The following TMEM131 variants were observed in gnomAD, a reference collection of about 807,000 sequenced individuals.
The protein encoded by TMEM131 is transmembrane protein 131.
A neutral mutation model predicts 211.6 loss-of-function variants in TMEM131; 66 were observed. The observed-to-expected ratio is 0.31, with a 90% CI of 0.26 to 0.38. The LOEUF is 0.38. Ranked by LOEUF, TMEM131 falls within the 10% of genes least tolerant of loss-of-function variation. The probability of loss-of-function intolerance (pLI) is 1.00; values close to 1 mark genes in which losing one functional copy is unlikely to be tolerated. For synonymous variants in TMEM131, 844 were observed against 841.3 expected, an observed-to-expected ratio of 1.00 and a Z score of -0.06; for missense variants, 2,036 against 2,299.3, an observed-to-expected ratio of 0.89 and a Z score of 2.34.
In TMEM131 at chr2:97,812,844, T is replaced by TC. The variant is rs1573398430; in HGVS notation, c.1618-96dup. ...AACTATATTAAAGATGTATTAAAGT[T>TC]CCCCCCAAAATTAGCTGGGCATGGT... is the stretch of plus-strand genomic sequence containing the variant. On this transcript the variant is annotated intron_variant, in intron 15 of 40. Coordinates refer to ENST00000186436, the MANE Select transcript of TMEM131 (RefSeq NM_015348.2). 8.9e-6 allele frequency: 6 copies of TC among 673,758 alleles called. No individual in the cohort carries two copies. In the East Asian group the frequency reaches 1.5e-4, roughly 17 times the overall value. The allele number at this position is 673,758 out of a possible 1,614,324, so 41.7% of individuals were successfully genotyped here.
At chr2:97,816,328 G>A (rs75132674) in intron 12 of TMEM131, among the ~76,000 whole-genome samples, 2 of 152,054 alleles carry the variant, frequency 1.3e-5, no homozygotes, top group African/African-American at 4.8e-5. Flanking sequence ...GCAACAAAGC[G>A]AGACTCTGAC....
At chr2:97,808,011 G>A (rs561488182) in intron 19 of TMEM131, among the ~76,000 whole-genome samples, 2 of 152,218 alleles carry the variant, frequency 1.3e-5, no homozygotes, top group South Asian at 2.1e-4. Flanking sequence ...CTTGGGGCCA[G>A]AAGTGTTTTA....
chr2:97,809,740 A>G lies in TMEM131; in HGVS notation c.2003T>C (p.Val668Ala). 2 of 1,609,252 alleles carry G rather than the reference A, an allele frequency of 1.2e-6. No individual in the cohort carries two copies. Among genetic ancestry groups the G allele is most frequent in the Non-Finnish European group, 1.7e-6 (2 of 1,177,780 alleles). The change falls in exon 19 of 41, where the codon GTA (valine) becomes GCA (alanine). Residue 668 changes from valine to alanine, a missense_variant. Transcript: ENST00000186436. ...LTIPVKAVIA[V>A]GSLTCFPKHV... is the part of the protein sequence containing the mutation. ...CTTAGGGAAGCAGGTCAGTGAGCCTACTGCAATCACAGCCTTCACAGGGAT... is the reference window on the plus strand; with the variant it reads ...CTTAGGGAAGCAGGTCAGTGAGCCTGCTGCAATCACAGCCTTCACAGGGAT...
chr2:97,972,481 A>AGGGAAGGC (rs1161588942), intron 1 of TMEM131, among the ~76,000 whole-genome samples: 9 of 12,890 alleles, frequency 7.0e-4, no homozygotes, highest in African/African-American at 2.1e-3. Context: ...GGCGGGAGGG[A>AGGGAAGGC]GGGAAGGCGG....
At chr2:97,920,517 AGAT>A (rs1676695607) in intron 2 of TMEM131, among the ~76,000 whole-genome samples, 1 of 152,234 alleles carries the variant, frequency 6.6e-6, no homozygotes. Context: ...CATCAAGCTC[AGAT>A]GATAGTTTAT....
At position 97,801,026 on chromosome 2, in the gene TMEM131, T is replaced by C. The variant is rs1476894220; in HGVS notation, c.2718+869A>G. Reference sequence around the variant, plus strand: ...GCCTTAAAGACAGAGTTATAAAAACTATTCTAATAAGGATTGGGCTAATAT... The same window carrying C: ...GCCTTAAAGACAGAGTTATAAAAACCATTCTAATAAGGATTGGGCTAATAT... On this transcript the variant is annotated intron_variant, in intron 25 of 40. Coordinates refer to ENST00000186436, the MANE Select transcript of TMEM131 (RefSeq NM_015348.2). Among the ~76,000 whole-genome samples, 3 of 152,236 alleles carry C rather than the reference T, an allele frequency of 2.0e-5. 1 individual carries two copies. The highest frequency in any genetic ancestry group is 4.8e-5 in the African/African-American group (2 of 41,462).
intron 4 of TMEM131, among the ~76,000 whole-genome samples, chr2:97,866,267 T>C (rs1248279606): frequency 1.3e-5 from 2 of 152,240 alleles, no homozygotes; most frequent in Admixed American, 6.5e-5. Flanking sequence ...GTGAGTCAGT[T>C]TGTGTATTTT....
intron 1 of TMEM131, among the ~76,000 whole-genome samples, chr2:97,967,892 TG>T (rs1248028513): frequency 1.3e-5 from 2 of 151,480 alleles, no homozygotes; most frequent in East Asian, 1.9e-4. Context: ...TTTTTTAGGT[TG>T]TTTTTTTTTT....
rs140207335 is a variant in TMEM131 at position 97,960,829 on chromosome 2, T to C, written c.188-33342A>G. On this transcript the variant is annotated intron_variant, in intron 1 of 40. Coordinates refer to ENST00000186436, the MANE Select transcript of TMEM131 (RefSeq NM_015348.2). ...GCAATATGTAAAAATGAGTAATATA[T>C]AACATCCAAACAGAGTTAATACCAG... Among the ~76,000 whole-genome samples the C allele has an allele frequency of 6.3e-3, 965 of 152,252 alleles. 6 individuals carry two copies. The highest frequency in any genetic ancestry group is 0.01 in the Non-Finnish European group (694 of 67,990).
At chr2:97,763,136 C>T (rs1410236927) in intron 35 of TMEM131, 2 of 152,410 alleles carry the variant, frequency 1.3e-5, no homozygotes, top group Non-Finnish European at 2.9e-5. Context: ...CCCGGCTCCA[C>T]TTCTCCCGTC....
intron 1 of TMEM131, among the ~76,000 whole-genome samples, chr2:97,936,584 C>T (rs1029565811): frequency 3.9e-5 from 6 of 152,184 alleles, no homozygotes; most frequent in Admixed American, 3.9e-4. Context: ...GACTATGAAG[C>T]TCACCACACG....
intron 11 of TMEM131, among the ~76,000 whole-genome samples, chr2:97,832,439 A>T (rs776844044): frequency 6.6e-6 from 1 of 152,208 alleles, no homozygotes; most frequent in Non-Finnish European, 1.5e-5. Flanking sequence ...CGGTCCCACT[A>T]GTGAGGAAGG....
intron 1 of TMEM131, among the ~76,000 whole-genome samples, chr2:97,960,012 T>G (rs1678747603): frequency 1.3e-5 from 2 of 152,190 alleles, no homozygotes; most frequent in Non-Finnish European, 2.9e-5. Context: ...TTGGTAAGAA[T>G]AATATAGAAA....
At chr2:97,872,404 C>G (rs1436312618) in intron 4 of TMEM131, among the ~76,000 whole-genome samples, 1 of 152,158 alleles carries the variant, frequency 6.6e-6, no homozygotes, top group African/African-American at 2.4e-5. Flanking sequence ...TCTCTCGGAG[C>G]TAGTGAGAAG....
chr2:97,905,867 A>T (rs1676044776), intron 3 of TMEM131, among the ~76,000 whole-genome samples: 1 of 152,192 alleles, frequency 6.6e-6, no homozygotes, highest in South Asian at 2.1e-4. Flanking sequence ...CTGTAGCACA[A>T]AGCCTGTAGA....
chr2:97,825,673 C>G (rs1169308832), intron 11 of TMEM131, among the ~76,000 whole-genome samples: 1 of 152,170 alleles, frequency 6.6e-6, no homozygotes, highest in African/African-American at 2.4e-5. Flanking sequence ...CTTTATACGT[C>G]AGAGAGAGAG....
At chr2:97,957,526 G>A (rs1037893763) in intron 1 of TMEM131, among the ~76,000 whole-genome samples, 2 of 152,026 alleles carry the variant, frequency 1.3e-5, no homozygotes, top group African/African-American at 4.8e-5. Flanking sequence ...ACTATAAACA[G>A]AAAGTACCAG....
chr2:97,903,417 G>A (rs1675938181), intron 3 of TMEM131, among the ~76,000 whole-genome samples: 2 of 152,132 alleles, frequency 1.3e-5, no homozygotes, highest in South Asian at 4.1e-4. Flanking sequence ...AGAAAACCCA[G>A]CCAGCGCAAT....
At chr2:97,782,141 G>A (rs546459167) in intron 31 of TMEM131, among the ~76,000 whole-genome samples, 5 of 152,378 alleles carry the variant, frequency 3.3e-5, no homozygotes, top group African/African-American at 1.2e-4. Flanking sequence ...CTTTGCCACT[G>A]AGGTGGTGAC....
Sources: allele counts gnomAD v4.1 joint callset (sites outside exome capture counted in the v4.1 genomes callset), GRCh38; gene constraint gnomAD v4.1.1; transcripts MANE v1.5; gene names NCBI Gene and HGNC (gene_info 2026-07-23, HGNC 2026-07-21).